The following SPOCK3 variants were observed in gnomAD, a reference collection of about 807,000 sequenced individuals.
SPOCK3 encodes the protein testican-3.
SPOCK3 carries 30 observed loss-of-function variants against 56.6 expected under a neutral mutation model. The ratio of observed to expected loss-of-function variants is 0.53; its 90% CI spans 0.40 to 0.72. The LOEUF is 0.72. Among genes scored for constraint, SPOCK3 ranks in the 30% least tolerant of loss-of-function variants. The probability of loss-of-function intolerance (pLI) is 0.00; values close to 1 mark genes in which losing one functional copy is unlikely to be tolerated. For missense variants in SPOCK3, 527 were observed against 530.0 expected, an observed-to-expected ratio of 0.99 and a Z score of 0.06; for synonymous variants, 196 against 183.3, an observed-to-expected ratio of 1.07 and a Z score of -0.56.
intron 2 of SPOCK3, among the ~76,000 whole-genome samples, chr4:167,099,505 A>C (rs1759450401): frequency 6.6e-6 from 1 of 152,022 alleles, no homozygotes; most frequent in Non-Finnish European, 1.5e-5. Flanking sequence ...CAAAAGTTGG[A>C]GATAATGAAA....
intron 6 of SPOCK3, among the ~76,000 whole-genome samples, chr4:166,879,181 C>G (rs1733433013): frequency 6.6e-6 from 1 of 152,004 alleles, no homozygotes; most frequent in African/African-American, 2.4e-5. Context: ...AAGGAAATGT[C>G]TCTTCACTTT....
intron 6 of SPOCK3, among the ~76,000 whole-genome samples, chr4:166,796,187 C>T (rs1352754312): frequency 6.6e-6 from 1 of 152,278 alleles, no homozygotes; most frequent in African/African-American, 2.4e-5. Context: ...CTGTGGCATT[C>T]TGTTATTCTT....
chr4:166,875,754 T>C (rs1392310199), intron 6 of SPOCK3, among the ~76,000 whole-genome samples: 1 of 152,176 alleles, frequency 6.6e-6, no homozygotes, highest in Admixed American at 6.6e-5. Flanking sequence ...AGGACTGGAC[T>C]GGATCAGAAT....
At chr4:167,115,210 T>C (rs1451963984) in intron 2 of SPOCK3, among the ~76,000 whole-genome samples, 4 of 152,044 alleles carry the variant, frequency 2.6e-5, no homozygotes, top group Non-Finnish European at 5.9e-5. Context: ...CCCATCTGGT[T>C]ACATATTATC....
At chr4:166,979,935 C>T (rs929312230) in intron 4 of SPOCK3, among the ~76,000 whole-genome samples, 12 of 152,176 alleles carry the variant, frequency 7.9e-5, no homozygotes, top group African/African-American at 2.7e-4. Flanking sequence ...ATTCTTGCTC[C>T]CCTTCCCTTC....
rs778272469 is a variant in SPOCK3, at chr4:167,082,796, CAG to C, written c.190-20261_190-20260del. On this transcript the variant is annotated intron_variant, in intron 2 of 10. Transcript: ENST00000357545. ...GGAGGGAGGGAAGGGAAGGAAGGGGCAGAGAGAGGACAGAGGGAGGGAGGGAA... is the reference window on the plus strand; with the variant it reads ...GGAGGGAGGGAAGGGAAGGAAGGGGCAGAGAGGACAGAGGGAGGGAGGGAA... Among the ~76,000 whole-genome samples the C allele has an allele frequency of 1.7e-4, 18 of 103,650 alleles. No individual in the cohort carries two copies. The East Asian group carries it at 4.1e-3, about 24-fold the overall frequency. 68.0% of individuals were successfully genotyped at this position (103,650 alleles called of 152,430 possible). A position where few individuals can be genotyped will look rare whatever the true frequency, so the allele number is the denominator to read the frequency against.
At chr4:166,877,052 T>C (rs937113200) in intron 6 of SPOCK3, among the ~76,000 whole-genome samples, 6 of 152,116 alleles carry the variant, frequency 3.9e-5, no homozygotes, top group Non-Finnish European at 5.9e-5. Flanking sequence ...AAAGTTACAA[T>C]AGAAACAACC....
At chr4:167,200,646 A>G (rs201466477) in intron 2 of SPOCK3, among the ~76,000 whole-genome samples, 1 of 152,086 alleles carries the variant, frequency 6.6e-6, no homozygotes, top group East Asian at 1.9e-4. Flanking sequence ...GGTCAAATGA[A>G]GTAAACTGCC....
At chr4:167,220,803 T>C (rs952534569) in intron 2 of SPOCK3, among the ~76,000 whole-genome samples, 6 of 152,200 alleles carry the variant, frequency 3.9e-5, no homozygotes, top group Admixed American at 3.9e-4. Context: ...ATATAGTACC[T>C]CTGTAGGGAT....
chr4:166,991,379 T>TTATG (rs1554015702), intron 4 of SPOCK3, among the ~76,000 whole-genome samples: 2 of 150,942 alleles, frequency 1.3e-5, no homozygotes, highest in African/African-American at 4.9e-5. Flanking sequence ...ATTTATTTAT[T>TTATG]TATGTTTTGA....
chr4:167,209,021 G>A (rs1049967064), intron 2 of SPOCK3, among the ~76,000 whole-genome samples: 1 of 152,134 alleles, frequency 6.6e-6, no homozygotes, highest in Non-Finnish European at 1.5e-5. Flanking sequence ...TACAAATGAA[G>A]TGGATGAATA....
intron 6 of SPOCK3, among the ~76,000 whole-genome samples, chr4:166,852,690 G>T (rs929402269): frequency 8.5e-5 from 13 of 152,116 alleles, no homozygotes; most frequent in Admixed American, 3.3e-4. Flanking sequence ...CTGTCAGTAT[G>T]GCACCCTGCA....
At chr4:166,903,827 C>T (rs1416987909) in intron 5 of SPOCK3, among the ~76,000 whole-genome samples, 2 of 151,964 alleles carry the variant, frequency 1.3e-5, no homozygotes, top group Non-Finnish European at 2.9e-5. Flanking sequence ...TTAAAGGCCA[C>T]TAAAACATAC....
intron 4 of SPOCK3, among the ~76,000 whole-genome samples, chr4:166,915,164 A>C (rs900707427): frequency 2.6e-5 from 4 of 152,142 alleles, no homozygotes; most frequent in African/African-American, 9.7e-5. Flanking sequence ...TAATATCACT[A>C]TTCATCATGG....
chr4:167,211,758 G>T (rs1381155535), intron 2 of SPOCK3, among the ~76,000 whole-genome samples: 2 of 152,076 alleles, frequency 1.3e-5, no homozygotes, highest in Non-Finnish European at 2.9e-5. Flanking sequence ...CCAGTCTCGG[G>T]TATGTATTTA....
intron 3 of SPOCK3, among the ~76,000 whole-genome samples, chr4:167,056,525 T>C (rs1390645644): frequency 2.0e-5 from 3 of 152,066 alleles, no homozygotes; most frequent in African/African-American, 7.3e-5. Context: ...GGCAAAGAAG[T>C]TGAAAACTTT....
At chr4:166,951,996 G>A (rs1460997529) in intron 4 of SPOCK3, among the ~76,000 whole-genome samples, 2 of 152,050 alleles carry the variant, frequency 1.3e-5, no homozygotes, top group Non-Finnish European at 2.9e-5. Context: ...GGCAAAAACT[G>A]GAAGCATTCC....
intron 2 of SPOCK3, among the ~76,000 whole-genome samples, chr4:167,143,635 A>G (rs1317547560): frequency 1.3e-5 from 2 of 151,842 alleles, no homozygotes. Context: ...TACATTTTTT[A>G]TCCCTGAAAT....
intron 2 of SPOCK3, among the ~76,000 whole-genome samples, chr4:167,105,195 A>C (rs560165984): frequency 6.6e-6 from 1 of 151,974 alleles, no homozygotes; most frequent in Non-Finnish European, 1.5e-5. Context: ...CTTAAGTAGA[A>C]AGACTAAATG....
Sources: gnomAD v4.1 joint callset for allele counts (sites outside exome capture counted in the v4.1 genomes callset) on GRCh38, gnomAD v4.1.1 for gene constraint, MANE v1.5 for transcripts, NCBI Gene and HGNC (gene_info 2026-07-23, HGNC 2026-07-21) for gene names.